CHIC2: variants seen among roughly 807,000 people sequenced by gnomAD.
CHIC2 encodes cysteine-rich hydrophobic domain-containing protein 2.
A neutral mutation model predicts 25.9 loss-of-function variants in CHIC2; 14 were observed. The observed-to-expected ratio is 0.54, with a 90% CI of 0.36 to 0.85. CHIC2 has a LOEUF of 0.85. Ranked by LOEUF, CHIC2 falls within the 40% of genes least tolerant of loss-of-function variation. The probability of loss-of-function intolerance (pLI) is 0.01; values close to 1 mark genes in which losing one functional copy is unlikely to be tolerated. For missense variants in CHIC2, 146 were observed against 202.0 expected (o/e 0.72, Z 1.68); for synonymous variants, 70 against 72.0 (o/e 0.97, Z 0.14).
At chr4:54,037,285 G>A (rs1478378136) in intron 3 of CHIC2, among the ~76,000 whole-genome samples, 1 of 152,034 alleles carries the variant, frequency 6.6e-6, no homozygotes, top group Non-Finnish European at 1.5e-5. Flanking sequence ...GGAAGTCTGG[G>A]AAGGCTGTAG....
rs182866047 is a variant in CHIC2 at position 54,037,220 on chromosome 4, G to A, written c.330+11735C>T. 5.0e-4 allele frequency among the ~76,000 whole-genome samples: 76 copies of A among 151,992 alleles called. No homozygotes were observed. In the East Asian group the frequency reaches 5.8e-3, roughly 12 times the overall value. On this transcript the variant is annotated intron_variant, in intron 3 of 5. Transcript: ENST00000263921. ...AAAAATTAGCCAGGAGTGGTGATGCGCACCTGTGGCCCAAGCTACTTGGGA... is the reference window on the plus strand; with the variant it reads ...AAAAATTAGCCAGGAGTGGTGATGCACACCTGTGGCCCAAGCTACTTGGGA...
At chr4:54,026,513 C>G (rs1577968041) in intron 3 of CHIC2, among the ~76,000 whole-genome samples, 1 of 151,366 alleles carries the variant, frequency 6.6e-6, no homozygotes, top group African/African-American at 2.4e-5. Context: ...GAATGAGACT[C>G]TGTCTCAAAA....
chr4:54,047,246 C>G (rs945234101), intron 3 of CHIC2, among the ~76,000 whole-genome samples: 4 of 152,140 alleles, frequency 2.6e-5, no homozygotes, highest in African/African-American at 9.7e-5. Context: ...TGTGGCGATT[C>G]CTCAGGGATC....
At chr4:54,024,054 A>C (rs1715985968) in intron 3 of CHIC2, among the ~76,000 whole-genome samples, 1 of 152,142 alleles carries the variant, frequency 6.6e-6, no homozygotes, top group Non-Finnish European at 1.5e-5. Flanking sequence ...CTAGCGTTCC[A>C]ACTTCTGCCC....
intron 3 of CHIC2, among the ~76,000 whole-genome samples, chr4:54,017,293 A>C (rs1715766546): frequency 6.6e-6 from 1 of 151,326 alleles, no homozygotes; most frequent in African/African-American, 2.5e-5. Context: ...ATTAACATGC[A>C]TCAGAAAAAA....
chr4:54,088,378 T>A, the CHIC2 span, among the ~76,000 whole-genome samples: 1 of 152,328 alleles, frequency 6.6e-6, no homozygotes, highest in Non-Finnish European at 1.5e-5. Flanking sequence ...CACAGTTTTC[T>A]GAAAAAGTTG....
chr4:54,011,950 T>TA (rs1263860330), intron 5 of CHIC2, among the ~76,000 whole-genome samples: 1 of 151,984 alleles, frequency 6.6e-6, no homozygotes, highest in African/African-American at 2.4e-5. Context: ...GACACATGGT[T>TA]AAAAAGGCCC....
upstream of CHIC2, among the ~76,000 whole-genome samples, chr4:54,066,717 C>T (rs1435628604): frequency 1.3e-5 from 2 of 151,850 alleles, no homozygotes; most frequent in Non-Finnish European, 2.9e-5. Flanking sequence ...CCTTGAACTC[C>T]TCAGCTCAAG....
intron 3 of CHIC2, among the ~76,000 whole-genome samples, chr4:54,042,106 A>T (rs6826914): frequency 0.059 from 8,939 of 152,158 alleles, 884 homozygotes; most frequent in African/African-American, 0.2. Flanking sequence ...TCACACATGC[A>T]TGAAGTGTCA....
chr4:54,057,541 T>C (rs1401044136), intron 1 of CHIC2, among the ~76,000 whole-genome samples: 1 of 152,164 alleles, frequency 6.6e-6, no homozygotes, highest in African/African-American at 2.4e-5. Context: ...AATCACATTA[T>C]TTTCAATCAC....
the CHIC2 span, among the ~76,000 whole-genome samples, chr4:54,074,476 A>C: frequency 6.6e-6 from 1 of 152,066 alleles, no homozygotes; most frequent in South Asian, 2.1e-4. Context: ...TGGATTTAAT[A>C]GTTATAATCA....
intron 3 of CHIC2, among the ~76,000 whole-genome samples, chr4:54,048,212 A>G (rs893828160): frequency 2.6e-5 from 4 of 152,128 alleles, no homozygotes; most frequent in African/African-American, 9.7e-5. Context: ...CTGGTCTTGA[A>G]CTTCTGACCT....
chr4:54,010,149 TA>T lies in CHIC2; in HGVS notation c.448-5del. 1 of 1,600,384 alleles carries T rather than the reference TA, an allele frequency of 6.2e-7. No individual in the cohort carries two copies. The highest frequency in any genetic ancestry group is 8.6e-7 in the Non-Finnish European group (1 of 1,169,166). On this transcript the variant is annotated splice_polypyrimidine_tract_variant and splice_region_variant and intron_variant, in intron 5 of 5. Coordinates refer to ENST00000263921, the MANE Select transcript of CHIC2 (RefSeq NM_012110.4). ...GTAAAAATTCTATGAGGATGACCTG[TA>T]AAAGGAGAAGAAAAAGGTTTTAAAA...
chr4:54,043,407 T>C lies in CHIC2; in HGVS notation c.330+5548A>G, dbSNP rs1383819994. On this transcript the variant is annotated intron_variant, in intron 3 of 5. Transcript: ENST00000263921. ...CTGCACTCCAGCCTGGGCAACAGAG[T>C]GAGACTCCATTTCAAAAAAAAAAAA... Among the ~76,000 whole-genome samples, 3 of 125,454 alleles carry C rather than the reference T, an allele frequency of 2.4e-5. No individual in the cohort carries two copies. The South Asian group carries it at 7.3e-4, about 31-fold the overall frequency. 82.3% of individuals were successfully genotyped at this position (125,454 alleles called of 152,430 possible).
chr4:54,078,205 G>T, the CHIC2 span, among the ~76,000 whole-genome samples: 1 of 152,194 alleles, frequency 6.6e-6, no homozygotes, highest in Non-Finnish European at 1.5e-5. Flanking sequence ...GTATATGTGA[G>T]ATTTCATTTT....
rs1715526330 is a variant in CHIC2 at position 54,009,957 on chromosome 4, AAAAAAAAC to A, written c.*130_*137del. ...ACACTTAGAACATGCGGTTATTTAA[AAAAAAAAC>A]AAAAACAAAAACAAAAAAAACACCA... On this transcript the variant is annotated 3_prime_UTR_variant, in exon 6 of 6. Coordinates refer to ENST00000263921, the MANE Select transcript of CHIC2 (RefSeq NM_012110.4). The A allele has an allele frequency of 3.9e-6, 2 of 509,216 alleles. No individual in the cohort carries two copies. The highest frequency in any genetic ancestry group is 6.4e-5 in the East Asian group (2 of 31,102). The allele number at this position is 509,216 out of a possible 1,614,324, so 31.5% of individuals were successfully genotyped here. A position where few individuals can be genotyped will look rare whatever the true frequency, so the allele number is the denominator to read the frequency against.
At chr4:54,065,391 T>C (rs538843009), upstream of CHIC2, 11 of 869,380 alleles carry the variant, frequency 1.3e-5, no homozygotes, top group Middle Eastern at 5.9e-4. Context: ...CTTAAAATCT[T>C]AGGGAATTCC....
chr4:54,064,532 T>TCCGC lies in CHIC2; in HGVS notation c.-236_-233dup. 1 of 1,372,070 alleles carries TCCGC rather than the reference T, an allele frequency of 7.3e-7. No homozygotes were observed. The highest frequency in any genetic ancestry group is 9.4e-7 in the Non-Finnish European group (1 of 1,067,802). 85.0% of individuals were successfully genotyped at this position (1,372,070 alleles called of 1,614,324 possible). A position where few individuals can be genotyped will look rare whatever the true frequency, so the allele number is the denominator to read the frequency against. ...CAATAACAACAACACAATGTCAACA[T>TCCGC]CCGCCCAGAGGCCGACACCTCCACA... On this transcript the variant is annotated 5_prime_UTR_variant, in exon 1 of 6. Transcript: ENST00000263921. The surrounding 1 kb of genome is among the most constrained non-coding windows in gnomAD (Gnocchi z 4.2).
Position 54,064,190 on chromosome 4 carries a change from G to C in CHIC2, c.111C>G (p.His37Gln). ...PDPVVVRGSG[H>Q]VTVFGLSNKF... ...CCTCCTCCGGGCCTTACACGGTGAC[G>C]TGACCGGAGCCGCGGACGACCACCG... The change falls in exon 1 of 6, where the codon CAC (histidine) becomes CAG (glutamine). Residue 37 changes from histidine to glutamine, a missense_variant. Coordinates refer to ENST00000263921, the MANE Select transcript of CHIC2 (RefSeq NM_012110.4). This position sits in a 1 kb window ranked among gnomAD's most constrained non-coding sequence, Gnocchi z 4.2. 1 of 1,603,882 alleles carries C rather than the reference G, an allele frequency of 6.2e-7. No individual in the cohort carries two copies.
Sources: allele counts gnomAD v4.1 joint callset (sites outside exome capture counted in the v4.1 genomes callset), GRCh38; gene constraint gnomAD v4.1.1; non-coding constraint Gnocchi (gnomAD v3.1); transcripts MANE v1.5; gene names NCBI Gene and HGNC (gene_info 2026-07-23, HGNC 2026-07-21).